The following SDHC variants were observed in gnomAD, a reference collection of about 807,000 sequenced individuals.
SDHC encodes succinate dehydrogenase cytochrome b560 subunit, mitochondrial.
A neutral mutation model predicts 22.6 loss-of-function variants in SDHC; 11 were observed. The observed-to-expected ratio is 0.49, with a 90% CI of 0.31 to 0.81. The LOEUF is 0.81. Ranked by LOEUF, SDHC falls within the 30% of genes least tolerant of loss-of-function variation. SDHC has a pLI of 0.05. For synonymous variants in SDHC, 80 were observed against 77.8 expected (o/e 1.03, Z -0.15); for missense variants, 160 against 212.0 (o/e 0.75, Z 1.52).
intron 3 of SDHC, among the ~76,000 whole-genome samples, chr1:161,338,881 C>G (rs1361071724): frequency 6.6e-6 from 1 of 152,094 alleles, no homozygotes; most frequent in Non-Finnish European, 1.5e-5. Flanking sequence ...TGGAGTCACC[C>G]TCTGTCGCCC....
chr1:161,341,354 C>T (rs768644778), intron 4 of SDHC, among the ~76,000 whole-genome samples: 3 of 152,124 alleles, frequency 2.0e-5, no homozygotes, highest in Non-Finnish European at 2.9e-5. Context: ...AGCTCACTAA[C>T]CAGTCTCACA....
intron 3 of SDHC, among the ~76,000 whole-genome samples, chr1:161,333,407 T>TC: frequency 6.6e-6 from 1 of 151,280 alleles, no homozygotes; most frequent in South Asian, 2.1e-4. Context: ...TTAACTTTTT[T>TC]TTTTTTTTTT....
intron 1 of SDHC, among the ~76,000 whole-genome samples, chr1:161,316,186 G>A (rs1432341574): frequency 2.0e-5 from 3 of 151,968 alleles, no homozygotes; most frequent in Non-Finnish European, 4.4e-5. Context: ...CAACTGCAAA[G>A]AGGCGTTCCT....
At chr1:161,339,454 A>G (rs1571867011) in intron 3 of SDHC, 1 of 507,970 alleles carries the variant, frequency 2.0e-6, no homozygotes, top group Non-Finnish European at 3.2e-6. Flanking sequence ...AAGTACTAGG[A>G]TTACAGGTGT....
chr1:161,360,212 T>C (rs1672452837), intron 5 of SDHC, among the ~76,000 whole-genome samples: 1 of 151,388 alleles, frequency 6.6e-6, no homozygotes, highest in African/African-American at 2.4e-5. Flanking sequence ...AATATAATAT[T>C]AATATGTTAA....
intron 1 of SDHC, among the ~76,000 whole-genome samples, chr1:161,316,769 A>G (rs534173439): frequency 7.3e-4 from 111 of 152,196 alleles, no homozygotes; most frequent in African/African-American, 2.5e-3. Flanking sequence ...GTCTAATTCC[A>G]TTTCACTAGA....
intron 3 of SDHC, among the ~76,000 whole-genome samples, chr1:161,337,538 ATACT>A (rs1395165715): frequency 6.6e-6 from 1 of 152,334 alleles, no homozygotes; most frequent in South Asian, 2.1e-4. Context: ...TAGAGGCTAA[ATACT>A]TGCTTGATGA....
At chr1:161,345,762 A>G (rs1026717482) in intron 4 of SDHC, among the ~76,000 whole-genome samples, 3 of 149,470 alleles carry the variant, frequency 2.0e-5, no homozygotes, top group Non-Finnish European at 4.4e-5. Flanking sequence ...GGCAGTTGTA[A>G]TTATTTTATT....
In SDHC at chr1:161,362,616, T is replaced by C. The variant is rs1384678164; in HGVS notation, c.*183T>C. 6.3e-7 allele frequency: 1 copy of C among 1,593,686 alleles called. No individual in the cohort carries two copies. The highest frequency in any genetic ancestry group is 8.6e-7 in the Non-Finnish European group (1 of 1,169,398). Reference sequence around the variant, plus strand: ...CATAATAGTGGAAAAGGGTCTAGTTTTCCCCTTGTTTCTAAAGATGAGGTG... The same window carrying C: ...CATAATAGTGGAAAAGGGTCTAGTTCTCCCCTTGTTTCTAAAGATGAGGTG... On this transcript the variant is annotated 3_prime_UTR_variant, in exon 6 of 6. Transcript: ENST00000367975.
At chr1:161,345,386 C>G (rs4590682) in intron 4 of SDHC, among the ~76,000 whole-genome samples, 2,179 of 152,192 alleles carry the variant, frequency 0.014, 48 homozygotes, top group African/African-American at 0.05. Context: ...TTACAGTACT[C>G]TATTCCTTCA....
rs1312674267 is a variant in SDHC at position 161,354,656 on chromosome 1, TA to T, written c.242-2020del. On this transcript the variant is annotated intron_variant, in intron 4 of 5. Coordinates refer to ENST00000367975, the MANE Select transcript of SDHC (RefSeq NM_003001.5). ...AATTCCCATTTTACAGATGATGTCT[TA>T]TTTCTTTGTGTGTGTGTGTGTGTGT... Among the ~76,000 whole-genome samples, 3 of 138,554 alleles carry T rather than the reference TA, an allele frequency of 2.2e-5. No homozygotes were observed. The Admixed American group carries it at 2.4e-4, about 11-fold the overall frequency. The allele number at this position is 138,554 out of a possible 152,430, so 90.9% of individuals were successfully genotyped here.
At position 161,361,801 on chromosome 1, in the gene SDHC, C is replaced by T. The variant is rs1672519889; in HGVS notation, c.406-528C>T. The stretch of plus-strand genomic sequence containing the variant: ...GAGCTTGCAGTGAGCTGAGATCATG[C>T]CACTGCACTCCAGCCTGGGCGACAG... On this transcript the variant is annotated intron_variant, in intron 5 of 5. Coordinates refer to ENST00000367975, the MANE Select transcript of SDHC (RefSeq NM_003001.5). Among the ~76,000 whole-genome samples the T allele has an allele frequency of 3.4e-5, 5 of 146,744 alleles. No individual in the cohort carries two copies. The South Asian group carries it at 1.1e-3, about 32-fold the overall frequency.
intron 1 of SDHC, among the ~76,000 whole-genome samples, chr1:161,316,176 C>G (rs1037480708): frequency 2.0e-5 from 3 of 151,986 alleles, no homozygotes; most frequent in Non-Finnish European, 4.4e-5. Flanking sequence ...CCTCTTGTCT[C>G]AACTGCAAAG....
In SDHC at chr1:161,356,768, A is replaced by G. The variant is rs950221552; in HGVS notation, c.333A>G (p.Ala111=). The change falls in exon 5 of 6, where the codon GCA becomes GCG. Residue 111 remains alanine (A), a synonymous_variant. Transcript: ENST00000367975. Reference sequence around the variant, plus strand: ...TGAAGTCCCTGTGTCTGGGGCCAGCACTGATCCACACAGCTAAGTTTGCAC... The same window carrying G: ...TGAAGTCCCTGTGTCTGGGGCCAGCGCTGATCCACACAGCTAAGTTTGCAC... ...ELVKSLCLGP[A]LIHTAKFALV... is the part of the protein sequence containing the mutation. The G allele has an allele frequency of 6.2e-7, 1 of 1,613,964 alleles. No individual in the cohort carries two copies.
chr1:161,314,761 C>T (rs1209676335), intron 1 of SDHC: 1 of 386,334 alleles, frequency 2.6e-6, no homozygotes, highest in East Asian at 4.3e-5. Flanking sequence ...CAAGGTCAGC[C>T]ACCCATGGGT....
intron 5 of SDHC, among the ~76,000 whole-genome samples, chr1:161,358,700 G>A (rs1198465619): frequency 6.6e-6 from 1 of 151,990 alleles, no homozygotes; most frequent in Non-Finnish European, 1.5e-5. Context: ...GCCGAGGCGG[G>A]CGGATAATCT....
At chr1:161,319,824 A>C (rs1324895888) in intron 1 of SDHC, among the ~76,000 whole-genome samples, 1 of 152,180 alleles carries the variant, frequency 6.6e-6, no homozygotes, top group Non-Finnish European at 1.5e-5. Context: ...GAGCAAAGGC[A>C]TGTGGTCAAA....
At chr1:161,339,786 T>G (rs1671654462) in intron 3 of SDHC, among the ~76,000 whole-genome samples, 1 of 149,114 alleles carries the variant, frequency 6.7e-6, no homozygotes, top group East Asian at 2.1e-4. Context: ...GTTCAAGCAA[T>G]TTTCCTGCCT....
intron 3 of SDHC, among the ~76,000 whole-genome samples, chr1:161,333,092 T>C (rs1671341407): frequency 6.6e-6 from 1 of 152,272 alleles, no homozygotes. Flanking sequence ...TGATAAAATA[T>C]GTGGTCCTTT....
Sources: gnomAD v4.1 joint callset for allele counts (sites outside exome capture counted in the v4.1 genomes callset) on GRCh38, gnomAD v4.1.1 for gene constraint, MANE v1.5 for transcripts, NCBI Gene and HGNC (gene_info 2026-07-23, HGNC 2026-07-21) for gene names.